The following LRRC4B variants were observed in gnomAD, a reference collection of about 807,000 sequenced individuals.
LRRC4B encodes the protein leucine rich repeat containing 4B.
LRRC4B carries 1 observed loss-of-function variant against 7.3 expected under a neutral mutation model. That is an observed-to-expected ratio of 0.14 (90% CI 0.05 to 0.65). The LOEUF is 0.65. Among genes scored for constraint, LRRC4B ranks in the 30% least tolerant of loss-of-function variants. The probability of loss-of-function intolerance (pLI) is 0.84; values close to 1 mark genes in which losing one functional copy is unlikely to be tolerated. For missense variants in LRRC4B, 730 were observed against 1,041.6 expected (o/e 0.70, Z 4.12); for synonymous variants, 500 against 499.2 (o/e 1.00, Z -0.02).
intron 2 of LRRC4B, among the ~76,000 whole-genome samples, chr19:50,546,692 G>A (rs1287896534): frequency 6.6e-6 from 1 of 152,142 alleles, no homozygotes; most frequent in East Asian, 1.9e-4. Context: ...TACGTCCGCT[G>A]GTGGCGCTCA....
At chr19:50,534,946 G>A (rs1233158167) in intron 2 of LRRC4B, among the ~76,000 whole-genome samples, 3 of 151,978 alleles carry the variant, frequency 2.0e-5, no homozygotes, top group Admixed American at 1.3e-4. Flanking sequence ...TCAGCTCACT[G>A]CAACCTCTGC....
rs1181849130 is a variant in LRRC4B at position 50,548,846 on chromosome 19, G to A, written c.-8C>T. ...GCCGCGGGCACGCGCCATCCTCAATGTTCATGCTCCGCGTGGACGCTGGGG... is the reference window on the plus strand; with the variant it reads ...GCCGCGGGCACGCGCCATCCTCAATATTCATGCTCCGCGTGGACGCTGGGG... On this transcript the variant is annotated 5_prime_UTR_variant, in exon 2 of 3. Coordinates refer to ENST00000652263, the MANE Select transcript of LRRC4B (RefSeq NM_001080457.2). The surrounding 1 kb of genome is among the most constrained non-coding windows in gnomAD (Gnocchi z 6.8). 7.0e-7 allele frequency: 1 copy of A among 1,436,744 alleles called. No homozygotes were observed. Among genetic ancestry groups the A allele is most frequent in the Non-Finnish European group, 9.1e-7 (1 of 1,094,986 alleles). The allele number at this position is 1,436,744 out of a possible 1,614,324, so 89.0% of individuals were successfully genotyped here.
intron 2 of LRRC4B, among the ~76,000 whole-genome samples, chr19:50,530,215 A>AT (rs1309685162): frequency 6.6e-6 from 1 of 151,972 alleles, no homozygotes; most frequent in Non-Finnish European, 1.5e-5. Context: ...GGGTCCTGCT[A>AT]TGCCAGAGCT....
intron 1 of LRRC4B, among the ~76,000 whole-genome samples, chr19:50,564,965 G>A (rs961354102): frequency 1.3e-5 from 2 of 152,046 alleles, no homozygotes; most frequent in Non-Finnish European, 2.9e-5. Flanking sequence ...AGGCACATGT[G>A]TGCACAGGCT....
chr19:50,547,410 A>G (rs1426175348), intron 2 of LRRC4B, among the ~76,000 whole-genome samples: 3 of 151,936 alleles, frequency 2.0e-5, no homozygotes, highest in African/African-American at 7.3e-5. Context: ...TTTCCCAGGG[A>G]CAGACCAGGC....
intron 2 of LRRC4B, among the ~76,000 whole-genome samples, chr19:50,530,553 C>T (rs1445516011): frequency 2.0e-5 from 3 of 152,124 alleles, no homozygotes; most frequent in Non-Finnish European, 4.4e-5. Flanking sequence ...AATGGAGATA[C>T]AGCAGGCCTG....
At chr19:50,567,364 C>A (rs971695197) in intron 1 of LRRC4B, among the ~76,000 whole-genome samples, 15 of 151,790 alleles carry the variant, frequency 9.9e-5, no homozygotes, top group African/African-American at 3.6e-4. Flanking sequence ...GGTTGTCTCA[C>A]TCCCCAATCA....
Position 50,517,218 on chromosome 19 carries a change from C to A in LRRC4B, c.*353G>T, listed in dbSNP as rs12459115. The A allele has an allele frequency of 0.12, 23,111 of 200,254 alleles. 2,087 individuals are homozygous for A. The highest frequency in any genetic ancestry group is 0.38 in the East Asian group (3,470 of 9,164). 12.4% of individuals were successfully genotyped at this position (200,254 alleles called of 1,614,324 possible). On this transcript the variant is annotated 3_prime_UTR_variant, in exon 3 of 3. Transcript: ENST00000652263. This position sits in a 1 kb window ranked among gnomAD's most constrained non-coding sequence, Gnocchi z 6.6. ...TTGGGGCCGAGGGGAAAGGACACCC[C>A]TGGAGAAAGCTCCTCTCTCCCCTGG...
At chr19:50,528,848 G>C (rs190226812) in intron 2 of LRRC4B, among the ~76,000 whole-genome samples, 1 of 152,174 alleles carries the variant, frequency 6.6e-6, no homozygotes, top group African/African-American at 2.4e-5. Flanking sequence ...GGAGAATGGC[G>C]GAGTACAGCA....
rs1415477436 is a variant in LRRC4B at position 50,517,268 on chromosome 19, G to GT, written c.*302dup. The GT allele has an allele frequency of 7.9e-6, 2 of 254,080 alleles. No homozygotes were observed. The highest frequency in any genetic ancestry group is 1.5e-5 in the Non-Finnish European group (2 of 132,844). The allele number at this position is 254,080 out of a possible 1,614,324, so 15.7% of individuals were successfully genotyped here. A position where few individuals can be genotyped will look rare whatever the true frequency, so the allele number is the denominator to read the frequency against. On this transcript the variant is annotated 3_prime_UTR_variant, in exon 3 of 3. Coordinates refer to ENST00000652263, the MANE Select transcript of LRRC4B (RefSeq NM_001080457.2). This position sits in a 1 kb window ranked among gnomAD's most constrained non-coding sequence, Gnocchi z 6.6. The stretch of plus-strand genomic sequence containing the variant: ...GAAGGCGGCGGGCCCGGAACGCTTG[G>GT]TGGGAGAGCGAGGAGGAAACGCGGA...
In LRRC4B at chr19:50,519,782, A is replaced by G. The variant is rs1052483434; in HGVS notation, c.298-367T>C. On this transcript the variant is annotated intron_variant, in intron 2 of 2. Transcript: ENST00000652263. This position sits in a 1 kb window ranked among gnomAD's most constrained non-coding sequence, Gnocchi z 8.1. ...CAGCTACTCGGGAGGCTGAGGCACG[A>G]GAATCACTTGAACCCAGGAGGCGGA... Among the ~76,000 whole-genome samples, 28 of 152,264 alleles carry G rather than the reference A, an allele frequency of 1.8e-4. No homozygotes were observed. The highest frequency in any genetic ancestry group is 6.0e-4 in the African/African-American group (25 of 41,556).
At chr19:50,533,101 C>T (rs1981124480) in intron 2 of LRRC4B, among the ~76,000 whole-genome samples, 1 of 152,128 alleles carries the variant, frequency 6.6e-6, no homozygotes, top group Non-Finnish European at 1.5e-5. Context: ...TTAGGTATGT[C>T]TTTCGATTTT....
chr19:50,540,293 C>A (rs756108147), intron 2 of LRRC4B, among the ~76,000 whole-genome samples: 4 of 152,054 alleles, frequency 2.6e-5, no homozygotes, highest in Non-Finnish European at 5.9e-5. Context: ...AGCAGGCGAG[C>A]GAGCATTACT....
At chr19:50,559,732 T>C (rs1368617663) in intron 1 of LRRC4B, among the ~76,000 whole-genome samples, 1 of 152,344 alleles carries the variant, frequency 6.6e-6, no homozygotes, top group African/African-American at 2.4e-5. Flanking sequence ...TTATTTTGTT[T>C]ACAACAAAAG....
At position 50,548,535 on chromosome 19, in the gene LRRC4B, C is replaced by T. The variant is rs748211453; in HGVS notation, c.297+7G>A. 1.3e-5 allele frequency: 20 copies of T among 1,589,384 alleles called. No individual in the cohort carries two copies. The highest frequency in any genetic ancestry group is 1.7e-4 in the Middle Eastern group (1 of 6,022). ...AAGGTCCCCCTCTGCCCGCTGGCCC[C>T]GCATACCTGGATGCCGTTCTCTTGC... is the stretch of plus-strand genomic sequence containing the variant. On this transcript the variant is annotated splice_region_variant and intron_variant, in intron 2 of 2. Transcript: ENST00000652263. This position sits in a 1 kb window ranked among gnomAD's most constrained non-coding sequence, Gnocchi z 6.8.
At chr19:50,549,927 G>A (rs571514924) in intron 1 of LRRC4B, among the ~76,000 whole-genome samples, 28 of 152,154 alleles carry the variant, frequency 1.8e-4, no homozygotes, top group Admixed American at 9.8e-4. Context: ...AGCAGACAGC[G>A]GGGACTCGGG....
In LRRC4B at chr19:50,553,467, A is replaced by T. The variant is rs1320670526; in HGVS notation, c.-35-4594T>A. On this transcript the variant is annotated intron_variant, in intron 1 of 2. Coordinates refer to ENST00000652263, the MANE Select transcript of LRRC4B (RefSeq NM_001080457.2). The surrounding 1 kb of genome is among the most constrained non-coding windows in gnomAD (Gnocchi z 4.2). Reference sequence around the variant, plus strand: ...AACAGGCCGTGCACACCCCGGCCCCAGGGCCTTTGCACCTGCTCTTCCCTT... The same window carrying T: ...AACAGGCCGTGCACACCCCGGCCCCTGGGCCTTTGCACCTGCTCTTCCCTT... Among the ~76,000 whole-genome samples, 1 of 152,098 alleles carries T rather than the reference A, an allele frequency of 6.6e-6. No homozygotes were observed. The highest frequency in any genetic ancestry group is 1.5e-5 in the Non-Finnish European group (1 of 68,026).
At chr19:50,523,932 C>G (rs1416301170) in intron 2 of LRRC4B, among the ~76,000 whole-genome samples, 1 of 151,410 alleles carries the variant, frequency 6.6e-6, no homozygotes, top group African/African-American at 2.4e-5. Flanking sequence ...GCACTCCAGC[C>G]TGGGTGACAG....
chr19:50,525,029 C>A (rs570025158), intron 2 of LRRC4B, among the ~76,000 whole-genome samples: 2 of 152,330 alleles, frequency 1.3e-5, no homozygotes, highest in South Asian at 2.1e-4. Context: ...CTGGCCGGAG[C>A]CTGCGCCCCT....
Sources: gnomAD v4.1 joint callset for allele counts (sites outside exome capture counted in the v4.1 genomes callset) on GRCh38, gnomAD v4.1.1 for gene constraint, Gnocchi (gnomAD v3.1) non-coding constraint, MANE v1.5 for transcripts, NCBI Gene and HGNC (gene_info 2026-07-23, HGNC 2026-07-21) for gene names.